Variants in CTNND2 observed in about 807,000 individuals in gnomAD.
CTNND2 encodes the protein catenin delta 2.
CTNND2 carries 22 observed loss-of-function variants against 144.4 expected under a neutral mutation model. The ratio of observed to expected loss-of-function variants is 0.15; its 90% CI spans 0.11 to 0.22. CTNND2 has a LOEUF of 0.22. Ranked by LOEUF, CTNND2 falls within the 10% of genes least tolerant of loss-of-function variation. The probability of loss-of-function intolerance (pLI) is 1.00; values close to 1 mark genes in which losing one functional copy is unlikely to be tolerated. For missense variants in CTNND2, 1,353 were observed against 1,618.8 expected (o/e 0.84, Z 2.82); for synonymous variants, 751 against 695.6 (o/e 1.08, Z -1.25).
chr5:11,705,485 G>C (rs1430156485), intron 2 of CTNND2, among the ~76,000 whole-genome samples: 2 of 152,142 alleles, frequency 1.3e-5, no homozygotes, highest in African/African-American at 4.8e-5. Context: ...GTATATGTGG[G>C]CATATAAATA....
intron 9 of CTNND2, among the ~76,000 whole-genome samples, chr5:11,311,881 C>G (rs1457458526): frequency 3.5e-5 from 4 of 115,172 alleles, no homozygotes; most frequent in African/African-American, 9.1e-5. Flanking sequence ...CCCACTCACA[C>G]ACTCCCCATA....
At chr5:11,456,048 C>T (rs750341166) in intron 3 of CTNND2, among the ~76,000 whole-genome samples, 26 of 152,074 alleles carry the variant, frequency 1.7e-4, no homozygotes, top group Non-Finnish European at 2.8e-4. Flanking sequence ...AACTTTTATC[C>T]GTTTCTACAA....
intron 9 of CTNND2, among the ~76,000 whole-genome samples, chr5:11,317,709 T>C (rs868135225): frequency 2.0e-5 from 3 of 152,180 alleles, no homozygotes; most frequent in East Asian, 1.9e-4. Flanking sequence ...ATAATTGATA[T>C]AGGTAATGCA....
chr5:11,010,425 T>A (rs1740953763), intron 18 of CTNND2, among the ~76,000 whole-genome samples: 1 of 152,228 alleles, frequency 6.6e-6, no homozygotes. Flanking sequence ...TATATTGTGT[T>A]TTTCCTCGAC....
At chr5:11,553,522 C>T (rs936023714) in intron 3 of CTNND2, among the ~76,000 whole-genome samples, 5 of 152,116 alleles carry the variant, frequency 3.3e-5, no homozygotes, top group Admixed American at 2.6e-4. Flanking sequence ...TTAGCCACTG[C>T]AAATTTATAG....
chr5:11,773,578 C>G (rs1790067297), intron 1 of CTNND2, among the ~76,000 whole-genome samples: 1 of 152,118 alleles, frequency 6.6e-6, no homozygotes, highest in Admixed American at 6.5e-5. Context: ...CACTGGGAGG[C>G]TAAGGCAGAT....
chr5:11,443,448 A>G (rs1420777092), intron 3 of CTNND2, among the ~76,000 whole-genome samples: 1 of 136,172 alleles, frequency 7.3e-6, no homozygotes, highest in Admixed American at 7.6e-5. Flanking sequence ...TGGTGTGTGT[A>G]TGTCTGTGCG....
intron 9 of CTNND2, among the ~76,000 whole-genome samples, chr5:11,308,487 C>T (rs1750483813): frequency 6.6e-6 from 1 of 152,162 alleles, no homozygotes; most frequent in Non-Finnish European, 1.5e-5. Context: ...AGGTTGTGGG[C>T]CAGATTTGTC....
At chr5:11,659,662 G>A (rs189793527) in intron 2 of CTNND2, among the ~76,000 whole-genome samples, 534 of 152,204 alleles carry the variant, frequency 3.5e-3, no homozygotes, top group Non-Finnish European at 6.2e-3. Context: ...TCCAGCATAT[G>A]ACACGTTAAG....
At chr5:11,566,052 T>G (rs543145600) in intron 2 of CTNND2, among the ~76,000 whole-genome samples, 9 of 152,206 alleles carry the variant, frequency 5.9e-5, no homozygotes, top group Non-Finnish European at 1.3e-4. Context: ...TGCAGGGATA[T>G]ATCTTTCCAG....
chr5:11,275,550 C>T (rs138813144), intron 9 of CTNND2, among the ~76,000 whole-genome samples: 9 of 152,314 alleles, frequency 5.9e-5, no homozygotes, highest in Non-Finnish European at 1.3e-4. Flanking sequence ...AGATCCTATC[C>T]ACCACTCTGA....
At chr5:11,184,587 G>T (rs529624028) in intron 11 of CTNND2, among the ~76,000 whole-genome samples, 22 of 152,238 alleles carry the variant, frequency 1.4e-4, no homozygotes, top group African/African-American at 5.3e-4. Flanking sequence ...TATGCTCAAG[G>T]TTCCATGGTT....
At position 11,699,836 on chromosome 5, in the gene CTNND2, G is replaced by A. The variant is rs1581740862; in HGVS notation, c.174+32300C>T. 2.6e-5 allele frequency among the ~76,000 whole-genome samples: 4 copies of A among 152,296 alleles called. No individual in the cohort carries two copies. In the South Asian group the frequency reaches 8.3e-4, roughly 32 times the overall value. The stretch of plus-strand genomic sequence containing the variant: ...TGTAATGAAGTTAGAAATTATAAAG[G>A]TAAGCATGAAATAAGTACAACGTGC... On this transcript the variant is annotated intron_variant, in intron 2 of 21. Transcript: ENST00000304623.
chr5:11,858,705 G>T (rs1365095596), intron 1 of CTNND2, among the ~76,000 whole-genome samples: 1 of 152,198 alleles, frequency 6.6e-6, no homozygotes, highest in Non-Finnish European at 1.5e-5. Flanking sequence ...TGAGGTGGGT[G>T]GATCACGAGG....
chr5:11,289,168 T>G (rs7716809), intron 9 of CTNND2, among the ~76,000 whole-genome samples: 11,269 of 152,248 alleles, frequency 0.074, 576 homozygotes, highest in South Asian at 0.15. Context: ...TCTGTGTGCA[T>G]GCCTCTGAGT....
At position 11,311,586 on chromosome 5, in the gene CTNND2, CACAT is replaced by C. The variant is rs1255438202; in HGVS notation, c.1628+34782_1628+34785del. On this transcript the variant is annotated intron_variant, in intron 9 of 21. Transcript: ENST00000304623. ...ACACTCCCCATGCACCCTCAACCCA[CACAT>C]ACATACTCTCACACACTCCCTCCCC... is the stretch of plus-strand genomic sequence containing the variant. Among the ~76,000 whole-genome samples the C allele has an allele frequency of 2.0e-5, 3 of 148,326 alleles. No individual in the cohort carries two copies. The South Asian group carries it at 6.5e-4, about 32-fold the overall frequency.
chr5:11,688,925 G>C (rs952477782), intron 2 of CTNND2, among the ~76,000 whole-genome samples: 2 of 152,200 alleles, frequency 1.3e-5, no homozygotes, highest in Non-Finnish European at 1.5e-5. Context: ...ATCACAGACG[G>C]AGTTGCCCTT....
chr5:11,384,810 CGAG>C lies in CTNND2; in HGVS notation c.1029_1031del (p.Ser344del), dbSNP rs763852209. On this transcript the variant is annotated inframe_deletion, in exon 7 of 22. Coordinates refer to ENST00000304623, the MANE Select transcript of CTNND2 (RefSeq NM_001332.4). The surrounding 1 kb of genome is among the most constrained non-coding windows in gnomAD (Gnocchi z 5.2). ...TGGTGGAGCTCAGCTGGTGGATGGG[CGAG>C]GAGGAGATGGTGGACTGCACGGTGG... 2 of 1,612,962 alleles carry C rather than the reference CGAG, an allele frequency of 1.2e-6. No individual in the cohort carries two copies.
chr5:11,196,681 G>T lies in CTNND2; in HGVS notation c.1975+2767C>A, dbSNP rs143187903. 3.9e-5 allele frequency among the ~76,000 whole-genome samples: 6 copies of T among 152,262 alleles called. No homozygotes were observed. The East Asian group carries it at 9.6e-4, about 24-fold the overall frequency. On this transcript the variant is annotated intron_variant, in intron 11 of 21. Coordinates refer to ENST00000304623, the MANE Select transcript of CTNND2 (RefSeq NM_001332.4). ...CTCTTGGAGTCATCCACTCCCTTGC[G>T]GCTCATCTAGCAAGTTCCCAAAATG...
Sources: allele counts gnomAD v4.1 joint callset (sites outside exome capture counted in the v4.1 genomes callset), GRCh38; gene constraint gnomAD v4.1.1; non-coding constraint Gnocchi (gnomAD v3.1); transcripts MANE v1.5; gene names NCBI Gene and HGNC (gene_info 2026-07-23, HGNC 2026-07-21).